Variants in PRKAA1 observed in about 807,000 individuals in gnomAD.
PRKAA1 encodes 5'-AMP-activated protein kinase catalytic subunit alpha-1.
PRKAA1 carries 23 observed loss-of-function variants against 56.9 expected under a neutral mutation model. The ratio of observed to expected loss-of-function variants is 0.40; its 90% CI spans 0.29 to 0.57. The LOEUF is 0.57. PRKAA1 is among the 20% of genes least tolerant of loss of function. The pLI, the probability that PRKAA1 is intolerant of heterozygous loss-of-function variation, is 0.39. For missense variants in PRKAA1, 413 were observed against 679.7 expected, an observed-to-expected ratio of 0.61 and a Z score of 4.36; for synonymous variants, 226 against 227.0, an observed-to-expected ratio of 1.00 and a Z score of 0.04.
At position 40,798,073 on chromosome 5, in the gene PRKAA1, G is replaced by T. The variant is rs768642292; in HGVS notation, c.117C>A (p.Gly39=). 2 of 1,609,568 alleles carry T rather than the reference G, an allele frequency of 1.2e-6. No individual in the cohort carries two copies. Among genetic ancestry groups the T allele is most frequent in the Non-Finnish European group, 1.7e-6 (2 of 1,177,532 alleles). ...CCGCGGGGTTCTCACCCTTCACTTT[G>T]CCGAAGGTGCCGACCCCCAGCGTGT... The part of the protein sequence containing the change: ...LGDTLGVGTF[G]KVKVGKHELT... The change falls in exon 1 of 9, where the codon GGC becomes GGA. Residue 39 remains glycine, a synonymous_variant. Coordinates refer to ENST00000397128, the MANE Select transcript of PRKAA1 (RefSeq NM_006251.6).
intron 8 of PRKAA1, 24 bp downstream of exon 8, chr5:40,764,490 T>C (rs747345165): frequency 1.1e-5 from 17 of 1,596,798 alleles, no homozygotes; most frequent in Non-Finnish European, 1.4e-5. Context: ...GTCTAATCTA[T>C]GTTGTTTTGT....
rs377560500 is a variant in PRKAA1 at position 40,764,510 on chromosome 5, A to G, written c.1435+4T>C. The G allele has an allele frequency of 5.6e-6, 9 of 1,609,774 alleles. No individual in the cohort carries two copies. Among genetic ancestry groups the G allele is most frequent in the South Asian group, 5.5e-5 (5 of 90,784 alleles). On this transcript the variant is annotated splice_donor_region_variant and intron_variant, in intron 8 of 8. Coordinates refer to ENST00000397128, the MANE Select transcript of PRKAA1 (RefSeq NM_006251.6). The stretch of plus-strand genomic sequence containing the variant: ...ATCTATGTTGTTTTGTGTGATGTAC[A>G]TACCATCAATACTACGGAAATCCAG...
chr5:40,782,683 C>CA (rs1255989321), intron 1 of PRKAA1, among the ~76,000 whole-genome samples: 1 of 151,760 alleles, frequency 6.6e-6, no homozygotes, highest in Admixed American at 6.6e-5. Flanking sequence ...TAGGTAGTAG[C>CA]AATAATAATG....
chr5:40,775,465 A>G lies in PRKAA1; in HGVS notation c.308T>C (p.Val103Ala), dbSNP rs865932512. 1.2e-6 allele frequency: 2 copies of G among 1,608,580 alleles called. No homozygotes were observed. The highest frequency in any genetic ancestry group is 2.2e-5 in the East Asian group (1 of 44,802). Residue 103 changes from valine (V) to alanine (A), a missense_variant, in exon 3 of 9, where the codon GTG (valine) becomes GCG (alanine). Physicochemically the swap from Val to Ala is moderately conservative, Grantham distance 64 (BLOSUM62 0). Transcript: ENST00000397128. ...CTCTCCTCCTGAGACATATTCCATCACCATGAAAATATCAGATGGTGTACT... is the reference window on the plus strand; with the variant it reads ...CTCTCCTCCTGAGACATATTCCATCGCCATGAAAATATCAGATGGTGTACT... ...VISTPSDIFMVMEYVSGGELF... is the reference protein window; with the variant it reads ...VISTPSDIFMAMEYVSGGELF...
intron 1 of PRKAA1, among the ~76,000 whole-genome samples, chr5:40,793,297 GA>G (rs1166146817): frequency 8.2e-5 from 12 of 146,062 alleles, no homozygotes; most frequent in Non-Finnish European, 3.0e-5. Context: ...TAACTAGAAG[GA>G]AAAAAAAAAG....
rs946315150 is a variant in PRKAA1, at chr5:40,760,867, G to C, written c.*1911C>G. 10 of 152,240 alleles carry C rather than the reference G, an allele frequency of 6.6e-5. No homozygotes were observed. Among genetic ancestry groups the C allele is most frequent in the African/African-American group, 2.4e-4 (10 of 41,410 alleles). 9.4% of individuals were successfully genotyped at this position (152,240 alleles called of 1,614,324 possible). A position where few individuals can be genotyped will look rare whatever the true frequency, so the allele number is the denominator to read the frequency against. On this transcript the variant is annotated 3_prime_UTR_variant, in exon 9 of 9. Transcript: ENST00000397128. The stretch of plus-strand genomic sequence containing the variant: ...CTTAAAATAGAAAAAATATAGCTCT[G>C]TTGCAATGGGAAAATGATTAATACA...
chr5:40,792,147 T>C (rs1744743550), intron 1 of PRKAA1, among the ~76,000 whole-genome samples: 1 of 152,220 alleles, frequency 6.6e-6, no homozygotes. Flanking sequence ...ATACTCTATA[T>C]ATAAAAGCAG....
intron 8 of PRKAA1, chr5:40,764,125 A>T (rs144579467): frequency 1.3e-5 from 2 of 157,686 alleles, no homozygotes; most frequent in Non-Finnish European, 2.8e-5. Flanking sequence ...AAGAATTGCC[A>T]TAACTTCATT....
At chr5:40,777,967 G>A (rs929311692) in intron 1 of PRKAA1, among the ~76,000 whole-genome samples, 28 of 152,140 alleles carry the variant, frequency 1.8e-4, no homozygotes, top group Non-Finnish European at 1.5e-5. Flanking sequence ...CCAGCTACTC[G>A]GGAGGCTGAG....
chr5:40,771,912 T>C (rs968043560), intron 3 of PRKAA1, 49 bp from the exon 4 acceptor site: 15 of 1,573,668 alleles, frequency 9.5e-6, no homozygotes, highest in East Asian at 9.0e-5. Context: ...TCAAAGTAAA[T>C]TGTCCTATCT....
chr5:40,785,195 T>A (rs1744416013), intron 1 of PRKAA1, among the ~76,000 whole-genome samples: 1 of 152,220 alleles, frequency 6.6e-6, no homozygotes, highest in South Asian at 2.1e-4. Context: ...CTGCCTCATA[T>A]CAATTTCAAT....
At chr5:40,779,351 A>G (rs1429913112) in intron 1 of PRKAA1, among the ~76,000 whole-genome samples, 1 of 152,200 alleles carries the variant, frequency 6.6e-6, no homozygotes, top group Non-Finnish European at 1.5e-5. Flanking sequence ...TTCTGGAAAA[A>G]TAATTTGTAA....
At chr5:40,774,549 A>AC (rs1554031839) in intron 3 of PRKAA1, among the ~76,000 whole-genome samples, 9,144 of 124,928 alleles carry the variant, frequency 0.073, 701 homozygotes, top group African/African-American at 0.12. Flanking sequence ...TCCAGGCAGA[A>AC]TTTTTTTTTT....
chr5:40,766,799 C>G (rs1481149164), intron 6 of PRKAA1, among the ~76,000 whole-genome samples: 1 of 122,972 alleles, frequency 8.1e-6, no homozygotes, highest in African/African-American at 3.1e-5. Context: ...GAGTTCAAGA[C>G]CAGCCTGGGC....
intron 1 of PRKAA1, among the ~76,000 whole-genome samples, chr5:40,796,856 T>C (rs924952058): frequency 6.6e-6 from 1 of 152,202 alleles, no homozygotes; most frequent in African/African-American, 2.4e-5. Context: ...AGTCAAATAT[T>C]TACCAAGAAC....
chr5:40,785,837 C>CAGAGAGAG (rs70988809), intron 1 of PRKAA1, among the ~76,000 whole-genome samples: 674 of 52,264 alleles, frequency 0.013, 5 homozygotes, highest in African/African-American at 0.015. Context: ...CACACACACA[C>CAGAGAGAG]ACAGAGAGAG....
At position 40,761,650 on chromosome 5, in the gene PRKAA1, T is replaced by G. The variant is rs1397350365; in HGVS notation, c.*1128A>C. On this transcript the variant is annotated 3_prime_UTR_variant, in exon 9 of 9. Coordinates refer to ENST00000397128, the MANE Select transcript of PRKAA1 (RefSeq NM_006251.6). The stretch of plus-strand genomic sequence containing the variant: ...CAGAGCACTTAAAGTTTGTAAGAGA[T>G]AGTTTTCTATGCACTGAATCAATTT... 3.3e-5 allele frequency: 5 copies of G among 152,306 alleles called. No homozygotes were observed. The highest frequency in any genetic ancestry group is 7.3e-5 in the Non-Finnish European group (5 of 68,030). The allele number at this position is 152,306 out of a possible 1,614,324, so 9.4% of individuals were successfully genotyped here.
chr5:40,772,099 T>C (rs1743774174), intron 3 of PRKAA1, among the ~76,000 whole-genome samples: 1 of 152,250 alleles, frequency 6.6e-6, no homozygotes, highest in Admixed American at 6.5e-5. Flanking sequence ...TGCATATGAC[T>C]ACATTGTAAC....
chr5:40,762,670 GC>G lies in PRKAA1; in HGVS notation c.*107del. ...CCCTGTGCAAATTGCATTCCAAAAC[GC>G]CAGCCCTCGGTTATAATTATGTATA... On this transcript the variant is annotated 3_prime_UTR_variant, in exon 9 of 9. Coordinates refer to ENST00000397128, the MANE Select transcript of PRKAA1 (RefSeq NM_006251.6). The G allele has an allele frequency of 7.2e-7, 1 of 1,397,808 alleles. No homozygotes were observed. Among genetic ancestry groups the G allele is most frequent in the Non-Finnish European group, 9.7e-7 (1 of 1,033,684 alleles). The allele number at this position is 1,397,808 out of a possible 1,614,324, so 86.6% of individuals were successfully genotyped here.
Sources: allele counts gnomAD v4.1 joint callset (sites outside exome capture counted in the v4.1 genomes callset), GRCh38; gene constraint gnomAD v4.1.1; transcripts MANE v1.5; gene names NCBI Gene and HGNC (gene_info 2026-07-23, HGNC 2026-07-21).